PCDHA13: variants seen among roughly 807,000 people sequenced by gnomAD.
The protein encoded by PCDHA13 is protocadherin alpha-13.
Under a neutral mutation model 64.8 loss-of-function variants are expected in PCDHA13, and 54 were observed. The observed-to-expected ratio is 0.83, with a 90% CI of 0.67 to 1.04. PCDHA13 has a LOEUF of 1.04. Ranked by LOEUF, PCDHA13 falls within the 50% of genes least tolerant of loss-of-function variation. PCDHA13 has a pLI of 0.00. For missense variants in PCDHA13, 1,248 were observed against 1,254.3 expected, an observed-to-expected ratio of 0.99 and a Z score of 0.08; for synonymous variants, 587 against 564.4, an observed-to-expected ratio of 1.04 and a Z score of -0.57.
chr5:140,886,012 T>C (rs1363937487), intron 1 of PCDHA13, among the ~76,000 whole-genome samples: 1 of 152,190 alleles, frequency 6.6e-6, no homozygotes, highest in Non-Finnish European at 1.5e-5. Context: ...TAAAGGGAGA[T>C]GCTATGTATT....
At chr5:140,946,871 A>G (rs952595827) in intron 1 of PCDHA13, among the ~76,000 whole-genome samples, 8 of 151,442 alleles carry the variant, frequency 5.3e-5, no homozygotes, top group Non-Finnish European at 8.9e-5. Flanking sequence ...AGGTTGGTCA[A>G]TGGGTACGAA....
chr5:140,941,231 C>CTT (rs1554214107), intron 1 of PCDHA13, among the ~76,000 whole-genome samples: 1 of 136,770 alleles, frequency 7.3e-6, no homozygotes, highest in African/African-American at 2.8e-5. Context: ...TTCTTTCTTT[C>CTT]TTTCTTTCTT....
At chr5:140,967,159 G>A in intron 1 of PCDHA13, 2 of 1,610,752 alleles carry the variant, frequency 1.2e-6, no homozygotes, top group Non-Finnish European at 1.7e-6. Context: ...CCGTGGCGGT[G>A]AGCGCCGTTG....
intron 3 of PCDHA13, among the ~76,000 whole-genome samples, chr5:140,999,654 C>T (rs180994815): frequency 1.3e-3 from 194 of 152,238 alleles, no homozygotes; most frequent in African/African-American, 4.4e-3. Context: ...AGCCTGAGCC[C>T]TGCTGGGTTG....
Position 140,927,871 on chromosome 5 carries a change from C to T in PCDHA13, c.2394+43209C>T, listed in dbSNP as rs376396178. The T allele has an allele frequency of 5.6e-6, 9 of 1,614,048 alleles. No individual in the cohort carries two copies. In the African/African-American group the frequency reaches 1.2e-4, roughly 22 times the overall value. ...TGGTTTAGCTAGCACCGCTAAACTG[C>T]TGGTGGAGGTGACTGACGTGAACGA... On this transcript the variant is annotated intron_variant, in intron 1 of 3. Coordinates refer to ENST00000289272, the MANE Select transcript of PCDHA13 (RefSeq NM_018904.3).
At chr5:140,967,219 C>A (rs782211026) in intron 1 of PCDHA13, 2 of 1,613,772 alleles carry the variant, frequency 1.2e-6, no homozygotes, top group East Asian at 2.2e-5. Context: ...TCCCGCGGCC[C>A]AACTACCAGC....
At chr5:140,911,439 A>C (rs2075473101) in intron 1 of PCDHA13, among the ~76,000 whole-genome samples, 2 of 152,080 alleles carry the variant, frequency 1.3e-5, no homozygotes, top group Admixed American at 1.3e-4. Context: ...AATTTCCCGC[A>C]ATTTCAGCTC....
chr5:140,888,047 G>C (rs1246901863), intron 1 of PCDHA13, among the ~76,000 whole-genome samples: 12 of 152,092 alleles, frequency 7.9e-5, no homozygotes, highest in African/African-American at 2.9e-4. Flanking sequence ...ATGTATAATA[G>C]ATGTTTTAAC....
At chr5:140,993,407 C>T (rs2097554546) in intron 3 of PCDHA13, among the ~76,000 whole-genome samples, 1 of 151,550 alleles carries the variant, frequency 6.6e-6, no homozygotes, top group African/African-American at 2.4e-5. Context: ...TAACCACCTT[C>T]ATCAGCATTT....
At chr5:140,885,174 A>G (rs568198348) in intron 1 of PCDHA13, among the ~76,000 whole-genome samples, 11 of 152,108 alleles carry the variant, frequency 7.2e-5, no homozygotes, top group African/African-American at 2.6e-4. Context: ...TTTGTCCTCT[A>G]GGCACATCAG....
chr5:140,882,990 A>T lies in PCDHA13; in HGVS notation c.722A>T (p.Glu241Val), dbSNP rs1554176394. ...CTGGACGTGAATGACAACGCCCCGG[A>T]ATTTTACCAATCCGTTTATAAAGTG... Reference protein sequence around the residue: ...TILDVNDNAPEFYQSVYKVTV... With the variant: ...TILDVNDNAPVFYQSVYKVTV... The change falls in exon 1 of 4, where the codon GAA (glutamate) becomes GTA (valine). Residue 241 changes from glutamate to valine, a missense_variant. Coordinates refer to ENST00000289272, the MANE Select transcript of PCDHA13 (RefSeq NM_018904.3). 1 of 1,614,130 alleles carries T rather than the reference A, an allele frequency of 6.2e-7. No homozygotes were observed. The highest frequency in any genetic ancestry group is 1.7e-5 in the Admixed American group (1 of 60,012).
intron 1 of PCDHA13, among the ~76,000 whole-genome samples, chr5:140,901,384 T>C (rs2068629478): frequency 6.6e-6 from 1 of 152,226 alleles, no homozygotes. Flanking sequence ...TAATTCAATA[T>C]TTGTATATGG....
chr5:140,970,157 C>T (rs2096386547), intron 1 of PCDHA13, among the ~76,000 whole-genome samples: 2 of 152,176 alleles, frequency 1.3e-5, no homozygotes, highest in African/African-American at 4.8e-5. Context: ...TCCCAATAGT[C>T]ACCTTTCTTG....
At chr5:140,969,162 C>T in intron 1 of PCDHA13, 1 of 1,614,110 alleles carries the variant, frequency 6.2e-7, no homozygotes, top group Non-Finnish European at 8.5e-7. Flanking sequence ...TGTCTGACAG[C>T]AGGCTCAGGG....
chr5:140,882,950 C>A lies in PCDHA13; in HGVS notation c.682C>A (p.Leu228Met). 6.2e-7 allele frequency: 1 copy of A among 1,614,216 alleles called. No individual in the cohort carries two copies. The highest frequency in any genetic ancestry group is 8.5e-7 in the Non-Finnish European group (1 of 1,180,042). ...ACCCGAGCTGACTGGCACAGTTCAG[C>A]TGCTCATCACGATTCTGGACGTGAA... Reference protein sequence around the residue: ...GKPELTGTVQLLITILDVNDN... With the variant: ...GKPELTGTVQMLITILDVNDN... The change falls in exon 1 of 4, where the codon CTG becomes ATG. Residue 228 changes from leucine to methionine, a missense_variant. Coordinates refer to ENST00000289272, the MANE Select transcript of PCDHA13 (RefSeq NM_018904.3).
intron 1 of PCDHA13, chr5:140,929,053 T>C (rs781847457): frequency 6.2e-7 from 1 of 1,614,182 alleles, no homozygotes; most frequent in Non-Finnish European, 8.5e-7. Flanking sequence ...CTGCTGTCGC[T>C]CTACAGAGGA....
intron 1 of PCDHA13, among the ~76,000 whole-genome samples, chr5:140,941,438 C>G (rs1408570275): frequency 6.6e-6 from 1 of 150,766 alleles, no homozygotes; most frequent in East Asian, 1.9e-4. Flanking sequence ...GCCTCAGCCT[C>G]GGGAGTAGCT....
chr5:140,913,659 A>T (rs1414002446), intron 1 of PCDHA13, among the ~76,000 whole-genome samples: 2 of 152,044 alleles, frequency 1.3e-5, no homozygotes, highest in Non-Finnish European at 2.9e-5. Flanking sequence ...TTTAAGATGT[A>T]TAGTTAGGTT....
intron 1 of PCDHA13, among the ~76,000 whole-genome samples, chr5:140,900,906 G>C (rs2068354860): frequency 6.6e-6 from 1 of 152,096 alleles, no homozygotes; most frequent in African/African-American, 2.4e-5. Context: ...CATTTTAACT[G>C]TGGTAAGATG....
Sources: allele counts gnomAD v4.1 joint callset (sites outside exome capture counted in the v4.1 genomes callset), GRCh38; gene constraint gnomAD v4.1.1; transcripts MANE v1.5; gene names NCBI Gene and HGNC (gene_info 2026-07-23, HGNC 2026-07-21).